Variants in KIF9 observed in about 807,000 individuals in gnomAD.
The protein encoded by KIF9 is kinesin-like protein KIF9.
KIF9 carries 68 observed loss-of-function variants against 94.8 expected under a neutral mutation model. The ratio of observed to expected loss-of-function variants is 0.72; its 90% CI spans 0.59 to 0.88. KIF9 has a LOEUF of 0.88. KIF9 is among the 40% of genes least tolerant of loss of function. The pLI is 0.00. For missense variants in KIF9, 882 were observed against 982.5 expected (o/e 0.90, Z 1.37); for synonymous variants, 343 against 362.1 (o/e 0.95, Z 0.60).
chr3:47,281,735 C>G lies in KIF9; in HGVS notation c.-6+760G>C, dbSNP rs114115211. On this transcript the variant is annotated intron_variant, in intron 1 of 20. Transcript: ENST00000684063. ...ATTTCTGGTATAACAAAGCAAGTCT[C>G]TGAATGGCCACCAGGAGACTTCTGT... is the stretch of plus-strand genomic sequence containing the variant. Among the ~76,000 whole-genome samples, 856 of 152,328 alleles carry G rather than the reference C, an allele frequency of 5.6e-3. 6 individuals are homozygous for G. The highest frequency in any genetic ancestry group is 0.019 in the African/African-American group (810 of 41,572).
chr3:47,245,727 A>C (rs961000417), intron 13 of KIF9: 2 of 571,114 alleles, frequency 3.5e-6, no homozygotes, highest in African/African-American at 3.7e-5. Flanking sequence ...CACAAGGGCT[A>C]CCTTATGTCA....
At chr3:47,264,565 T>C (rs1202848675) in intron 8 of KIF9, among the ~76,000 whole-genome samples, 1 of 152,166 alleles carries the variant, frequency 6.6e-6, no homozygotes, top group East Asian at 1.9e-4. Context: ...GCCTCCCAAG[T>C]AGCTCGCACC....
chr3:47,257,145 A>G (rs1559448047), intron 10 of KIF9, among the ~76,000 whole-genome samples: 1 of 152,168 alleles, frequency 6.6e-6, no homozygotes. Context: ...TCAATAAAAA[A>G]ATAAATTAAT....
rs374448114 is a variant in KIF9 at position 47,263,046 on chromosome 3, G to A, written c.981+1240C>T. On this transcript the variant is annotated intron_variant, in intron 9 of 20. Transcript: ENST00000684063. ...CCCGAGTAGCTGGGACCACAGGCATGCACCACCATGCCTAGCTAATTTTTG... is the reference window on the plus strand; with the variant it reads ...CCCGAGTAGCTGGGACCACAGGCATACACCACCATGCCTAGCTAATTTTTG... Among the ~76,000 whole-genome samples the A allele has an allele frequency of 2.6e-4, 39 of 152,204 alleles. No individual in the cohort carries two copies. In the East Asian group the frequency reaches 3.9e-3, roughly 15 times the overall value.
chr3:47,236,247 C>T (rs1192423511), intron 18 of KIF9, 98 bp from the exon 19 acceptor site: 4 of 1,072,930 alleles, frequency 3.7e-6, no homozygotes, highest in Non-Finnish European at 5.7e-6. Context: ...CTGTTCACTT[C>T]CTGCTCCAAG....
intron 1 of KIF9, chr3:47,282,278 T>A (rs924755491): frequency 1.0e-6 from 1 of 985,636 alleles, no homozygotes; most frequent in Middle Eastern, 5.2e-4. Context: ...GACCCCTTTG[T>A]GGGACCAATG....
At chr3:47,245,603 G>T in intron 13 of KIF9, 92 bp from the exon 14 acceptor site, 1 of 925,864 alleles carries the variant, frequency 1.1e-6, no homozygotes, top group Non-Finnish European at 1.8e-6. Flanking sequence ...AAGTCATATG[G>T]GTGAGGCCCC....
Position 47,268,069 on chromosome 3 carries a change from A to G in KIF9, c.592-806T>C, listed in dbSNP as rs140067596. ...GTATTTTTTGTAGAGACAGGGTTTC[A>G]CCATGTGCCCAGGCTGGTCTGGAAC... On this transcript the variant is annotated intron_variant, in intron 5 of 20. Coordinates refer to ENST00000684063, the MANE Select transcript of KIF9 (RefSeq NM_182902.4). Among the ~76,000 whole-genome samples the G allele has an allele frequency of 1.0e-3, 158 of 151,868 alleles. 3 individuals carry two copies. The East Asian group carries it at 0.024, about 24-fold the overall frequency.
chr3:47,276,428 T>C (rs1269806432), intron 2 of KIF9, among the ~76,000 whole-genome samples: 1 of 151,814 alleles, frequency 6.6e-6, no homozygotes, highest in Non-Finnish European at 1.5e-5. Context: ...TGGTGGCACG[T>C]GCCTGTAATC....
chr3:47,244,285 G>A (rs1699777810), intron 15 of KIF9: 1 of 155,938 alleles, frequency 6.4e-6, no homozygotes, highest in Admixed American at 6.2e-5. Context: ...CACCCTGGGA[G>A]GGCTCACTAA....
At chr3:47,228,908 A>G (rs949594797) in intron 20 of KIF9, among the ~76,000 whole-genome samples, 1 of 152,212 alleles carries the variant, frequency 6.6e-6, no homozygotes, top group African/African-American at 2.4e-5. Context: ...GAAAGTGTGT[A>G]AAACTATTTT....
At chr3:47,242,065 T>C (rs1299281799) in intron 16 of KIF9, among the ~76,000 whole-genome samples, 2 of 151,712 alleles carry the variant, frequency 1.3e-5, no homozygotes, top group East Asian at 1.9e-4. Flanking sequence ...TAATTTTTTA[T>C]AGAGACAGAG....
chr3:47,282,140 C>A (rs1200171732), intron 1 of KIF9: 1 of 968,914 alleles, frequency 1.0e-6, no homozygotes, highest in Non-Finnish European at 1.2e-6. Flanking sequence ...GTTTCCTCAC[C>A]TGTAACACGA....
In KIF9 at chr3:47,267,032, T is replaced by C. The variant is rs1276206327; in HGVS notation, c.712A>G (p.Thr238Ala). Residue 238 changes from threonine to alanine, a missense_variant, in exon 7 of 21, where the codon ACT becomes GCT. Physicochemically the swap from Thr to Ala is moderately conservative, Grantham distance 58. Transcript: ENST00000684063. ...AGATCCACCAAGTTAATTTTGGAAGTGATGTACTTTTCCTCTGATAAGGTC... is the reference window on the plus strand; with the variant it reads ...AGATCCACCAAGTTAATTTTGGAAGCGATGTACTTTTCCTCTGATAAGGTC... ...SRTLSEEKYI[T>A]SKINLVDLAG... The C allele has an allele frequency of 6.2e-7, 1 of 1,613,920 alleles. No homozygotes were observed. Among genetic ancestry groups the C allele is most frequent in the Admixed American group, 1.7e-5 (1 of 59,974 alleles).
chr3:47,231,988 G>C (rs1380302628), intron 20 of KIF9: 2 of 152,208 alleles, frequency 1.3e-5, no homozygotes, highest in African/African-American at 4.8e-5. Context: ...CTGAATATCA[G>C]TGTCTCCCCA....
chr3:47,270,918 C>T (rs906411002), intron 5 of KIF9, among the ~76,000 whole-genome samples: 1 of 147,348 alleles, frequency 6.8e-6, no homozygotes, highest in Non-Finnish European at 1.5e-5. Context: ...GTGGGAAGAT[C>T]GCTTGAGCCC....
At chr3:47,233,325 G>A (rs2107023147) in intron 20 of KIF9, among the ~76,000 whole-genome samples, 1 of 133,338 alleles carries the variant, frequency 7.5e-6, no homozygotes, top group South Asian at 2.3e-4. Context: ...CTGTGCCACT[G>A]CATTCCAGCC....
intron 12 of KIF9, chr3:47,246,545 C>A: frequency 2.2e-5 from 3 of 135,220 alleles, no homozygotes; most frequent in East Asian, 1.6e-4. Flanking sequence ...AAAATACCTT[C>A]TAAAGGTTTT....
At chr3:47,276,017 T>C (rs977987746) in intron 2 of KIF9, among the ~76,000 whole-genome samples, 8 of 152,166 alleles carry the variant, frequency 5.3e-5, no homozygotes, top group Non-Finnish European at 4.4e-5. Context: ...GAGAAGGCTA[T>C]GGACTTCTCA....
Sources: gnomAD v4.1 joint callset for allele counts (sites outside exome capture counted in the v4.1 genomes callset) on GRCh38, gnomAD v4.1.1 for gene constraint, MANE v1.5 for transcripts, NCBI Gene and HGNC (gene_info 2026-07-23, HGNC 2026-07-21) for gene names.